CAMK1G: variants seen among roughly 807,000 people sequenced by gnomAD.
CAMK1G encodes the protein calcium/calmodulin-dependent protein kinase type 1G.
Under a neutral mutation model 54.8 loss-of-function variants are expected in CAMK1G, and 27 were observed. The ratio of observed to expected loss-of-function variants is 0.49; its 90% CI spans 0.36 to 0.68. CAMK1G has a LOEUF of 0.68. Among genes scored for constraint, CAMK1G ranks in the 30% least tolerant of loss-of-function variants. The pLI is 0.00. For synonymous variants in CAMK1G, 238 were observed against 224.9 expected (o/e 1.06, Z -0.52); for missense variants, 512 against 591.0 (o/e 0.87, Z 1.39).
Position 209,611,884 on chromosome 1 carries a change from G to A in CAMK1G, c.1008G>A (p.Arg336=), listed in dbSNP as rs138107739. The change falls in exon 11 of 13, where the codon AGG becomes AGA. Residue 336 remains arginine, a synonymous_variant. Coordinates refer to ENST00000361322, the MANE Select transcript of CAMK1G (RefSeq NM_020439.3). ...SPGVRPEVEN[R]PPETQASETS... ...GCGTCCGCCCAGAGGTGGAGAACAG[G>A]CCGCCTGAAACTCAAGCCTCAGAAA... 81 of 1,614,128 alleles carry A rather than the reference G, an allele frequency of 5.0e-5. No individual in the cohort carries two copies. Among genetic ancestry groups the A allele is most frequent in the Non-Finnish European group, 6.7e-5 (79 of 1,180,052 alleles).
Position 209,600,174 on chromosome 1 carries a change from C to T in CAMK1G, c.221+63C>T, listed in dbSNP as rs2076228. 867 of 1,573,028 alleles carry T rather than the reference C, an allele frequency of 5.5e-4. 9 individuals are homozygous for T. The East Asian group carries it at 0.018, about 32-fold the overall frequency. On this transcript the variant is annotated intron_variant, in intron 3 of 12. Coordinates refer to ENST00000361322, the MANE Select transcript of CAMK1G (RefSeq NM_020439.3). ...TCACAACATTTTCTTCACAAATTAC[C>T]TTCAAAAAGGACTAGGACTGGATTT...
At chr1:209,611,153 A>G (rs1571788141) in intron 9 of CAMK1G, among the ~76,000 whole-genome samples, 1 of 152,366 alleles carries the variant, frequency 6.6e-6, no homozygotes, top group Middle Eastern at 3.4e-3. Flanking sequence ...GCCACAGACA[A>G]TACCTGAATT....
chr1:209,609,922 C>A lies in CAMK1G; in HGVS notation c.820C>A (p.His274Asn). 1 of 1,613,946 alleles carries A rather than the reference C, an allele frequency of 6.2e-7. No homozygotes were observed. Among genetic ancestry groups the A allele is most frequent in the South Asian group, 1.1e-5 (1 of 91,072 alleles). ...ERYTCEKALS[H>N]PWIDGNTALH... The stretch of plus-strand genomic sequence containing the variant: ...GTACACCTGTGAGAAGGCCTTGAGT[C>A]ATCCCTGGTGAGTGAGACATGGAGT... The change falls in exon 9 of 13, where the codon CAT becomes AAT. Residue 274 changes from histidine (H) to asparagine (N), a missense_variant. His to Asn is a moderately conservative substitution (Grantham distance 68, BLOSUM62 1). This residue lies in a region of CAMK1G where 315 missense variants were observed against 330.5 expected (regional missense o/e 0.95). Coordinates refer to ENST00000361322, the MANE Select transcript of CAMK1G (RefSeq NM_020439.3).
intron 11 of CAMK1G, 131 bp from the exon 12 acceptor site, chr1:209,612,654 G>T: frequency 1.4e-6 from 1 of 696,172 alleles, no homozygotes; most frequent in Non-Finnish European, 2.5e-6. Flanking sequence ...GCAGGTTCTT[G>T]AACTTTCTGA....
At chr1:209,597,703 A>G (rs1665424595) in intron 2 of CAMK1G, among the ~76,000 whole-genome samples, 1 of 152,226 alleles carries the variant, frequency 6.6e-6, no homozygotes, top group Admixed American at 6.5e-5. Context: ...GGAAACTCAG[A>G]CACAGGAAAC....
At chr1:209,604,158 C>T (rs747510930) in intron 4 of CAMK1G, among the ~76,000 whole-genome samples, 3 of 152,154 alleles carry the variant, frequency 2.0e-5, no homozygotes, top group Non-Finnish European at 2.9e-5. Flanking sequence ...GAAACTTTAA[C>T]GAGATAACTC....
intron 7 of CAMK1G, 22 bp from the exon 8 acceptor site, chr1:209,608,958 C>T (rs767032560): frequency 5.0e-6 from 8 of 1,613,472 alleles, no homozygotes; most frequent in Non-Finnish European, 6.8e-6. Context: ...CAGTAGTATG[C>T]CTCCTTCCTG....
At chr1:209,591,397 G>C (rs1665245933) in intron 1 of CAMK1G, among the ~76,000 whole-genome samples, 2 of 152,218 alleles carry the variant, frequency 1.3e-5, no homozygotes, top group African/African-American at 4.8e-5. Flanking sequence ...ATATAGCCAG[G>C]TTGCAAGTTG....
chr1:209,605,894 T>G (rs1665635923), intron 5 of CAMK1G, among the ~76,000 whole-genome samples: 1 of 152,134 alleles, frequency 6.6e-6, no homozygotes, highest in Admixed American at 6.6e-5. Context: ...CTTACCCTAT[T>G]TCAATACCAA....
At chr1:209,602,189 T>TG (rs899405234) in intron 3 of CAMK1G, among the ~76,000 whole-genome samples, 12 of 152,176 alleles carry the variant, frequency 7.9e-5, no homozygotes, top group Non-Finnish European at 1.8e-4. Context: ...TTTGTGGTGC[T>TG]GGGGGCTGTA....
intron 6 of CAMK1G, 143 bp from the exon 7 acceptor site, chr1:209,607,715 C>T: frequency 1.5e-6 from 1 of 656,242 alleles, no homozygotes; most frequent in South Asian, 1.8e-5. Flanking sequence ...ACAGCCCCTA[C>T]CCTTAGGGAG....
In CAMK1G at chr1:209,612,822, A is replaced by G. The variant is rs1665815755; in HGVS notation, c.1378A>G (p.Ser460Gly). Reference sequence around the variant, plus strand: ...GGAGGTCATGGTACCAGTTAAAGCCAGTGGCAGCTCCCACTGCCGGGCAGG... The same window carrying G: ...GGAGGTCATGGTACCAGTTAAAGCCGGTGGCAGCTCCCACTGCCGGGCAGG... ...KSEVMVPVKA[S>G]GSSHCRAGQT... The change falls in exon 12 of 13, where the codon AGT becomes GGT. Residue 460 changes from serine to glycine, a missense_variant. This residue lies in a region of CAMK1G where 315 missense variants were observed against 330.5 expected (regional missense o/e 0.95). Transcript: ENST00000361322. 3.7e-6 allele frequency: 6 copies of G among 1,614,026 alleles called. No homozygotes were observed. In the Admixed American group the frequency reaches 5.0e-5, roughly 13 times the overall value.
Position 209,594,954 on chromosome 1 carries a change from G to A in CAMK1G, c.-29-1G>A. ...TCCTTCTCCCACTCCCTGCAATAAA[G>A]CATCCTCAGAAGCTTCAACTCTGGA... On this transcript the variant is annotated splice_acceptor_variant, in intron 1 of 12. Transcript: ENST00000361322. LOFTEE classifies it low-confidence loss of function (5UTR_SPLICE). The A allele has an allele frequency of 6.3e-7, 1 of 1,599,720 alleles. No homozygotes were observed. Among genetic ancestry groups the A allele is most frequent in the Non-Finnish European group, 8.5e-7 (1 of 1,169,632 alleles).
chr1:209,613,186 G>A lies in CAMK1G; in HGVS notation c.*184G>A. On this transcript the variant is annotated 3_prime_UTR_variant, in exon 13 of 13. Coordinates refer to ENST00000361322, the MANE Select transcript of CAMK1G (RefSeq NM_020439.3). Reference sequence around the variant, plus strand: ...CCAGCGGGGCAGCCCCTCATAGGAGGCCCAGGAGGGAGCCCCAAGGCGTAG... The same window carrying A: ...CCAGCGGGGCAGCCCCTCATAGGAGACCCAGGAGGGAGCCCCAAGGCGTAG... 1 of 309,724 alleles carries A rather than the reference G, an allele frequency of 3.2e-6. No homozygotes were observed. The highest frequency in any genetic ancestry group is 6.3e-6 in the Non-Finnish European group (1 of 158,296). The allele number at this position is 309,724 out of a possible 1,614,324, so 19.2% of individuals were successfully genotyped here. A position where few individuals can be genotyped will look rare whatever the true frequency, so the allele number is the denominator to read the frequency against.
intron 2 of CAMK1G, among the ~76,000 whole-genome samples, chr1:209,599,403 C>T (rs897390206): frequency 2.0e-5 from 3 of 152,212 alleles, no homozygotes; most frequent in African/African-American, 7.2e-5. Context: ...AGATTCACCT[C>T]TTGTTCACAA....
chr1:209,596,421 G>A (rs1160002438), intron 2 of CAMK1G, among the ~76,000 whole-genome samples: 2 of 152,136 alleles, frequency 1.3e-5, no homozygotes, highest in Admixed American at 1.3e-4. Flanking sequence ...TGTGCTGTAG[G>A]ACTCAAAAGA....
chr1:209,589,721 G>T (rs1558134526), intron 1 of CAMK1G, among the ~76,000 whole-genome samples: 1 of 152,110 alleles, frequency 6.6e-6, no homozygotes, highest in South Asian at 2.1e-4. Context: ...TGCATTCTTA[G>T]CTCCTTATTT....
rs1665775758 is a variant in CAMK1G at position 209,611,339 on chromosome 1, G to A, written c.828-126G>A. ...GGAGACCTGCTTGCAGCCCTTTCCTGCTGTGGGCTGTCTTTCCTCTGCACA... is the reference window on the plus strand; with the variant it reads ...GGAGACCTGCTTGCAGCCCTTTCCTACTGTGGGCTGTCTTTCCTCTGCACA... On this transcript the variant is annotated intron_variant, in intron 9 of 12. Transcript: ENST00000361322. 7.8e-6 allele frequency: 6 copies of A among 767,552 alleles called. No homozygotes were observed. In the South Asian group the frequency reaches 1.0e-4, roughly 13 times the overall value. The allele number at this position is 767,552 out of a possible 1,614,324, so 47.5% of individuals were successfully genotyped here.
intron 9 of CAMK1G, 94 bp from the exon 10 acceptor site, chr1:209,611,371 C>A (rs1471459269): frequency 9.2e-7 from 1 of 1,082,812 alleles, no homozygotes; most frequent in East Asian, 2.5e-5. Context: ...CACACTCTAC[C>A]CAGCTCTCAC....
Sources: allele counts gnomAD v4.1 joint callset (sites outside exome capture counted in the v4.1 genomes callset), GRCh38; gene constraint gnomAD v4.1.1; regional missense constraint gnomAD v4.1.1; transcripts MANE v1.5; gene names NCBI Gene and HGNC (gene_info 2026-07-23, HGNC 2026-07-21).